The following ZEB1 variants were observed in gnomAD, a reference collection of about 807,000 sequenced individuals.
ZEB1 encodes the protein zinc finger E-box binding homeobox 1, also known as zinc finger E-box-binding homeobox 1.
ZEB1 carries 21 observed loss-of-function variants against 84.9 expected under a neutral mutation model. That is an observed-to-expected ratio of 0.25 (90% CI 0.18 to 0.36). The LOEUF (loss-of-function observed/expected upper bound fraction) is 0.36. Among genes scored for constraint, ZEB1 ranks in the 10% least tolerant of loss-of-function variants. The pLI, the probability that ZEB1 is intolerant of heterozygous loss-of-function variation, is 1.00. For missense variants in ZEB1, 1,104 were observed against 1,330.2 expected (o/e 0.83, Z 2.65); for synonymous variants, 420 against 471.1 (o/e 0.89, Z 1.41).
In ZEB1 at chr10:31,377,115, A is replaced by AT. The variant is rs547191854; in HGVS notation, c.58+57832dup. Among the ~76,000 whole-genome samples, 833 of 147,698 alleles carry AT rather than the reference A, an allele frequency of 5.6e-3. 12 individuals carry two copies. The highest frequency in any genetic ancestry group is 0.019 in the African/African-American group (759 of 40,202). On this transcript the variant is annotated intron_variant, in intron 1 of 8. Transcript: ENST00000424869. ...TTTTTTTTTTTTTTTGCAATACAGAATTTTTTTTTCATTGTAAGATGCTGA... is the reference window on the plus strand; with the variant it reads ...TTTTTTTTTTTTTTTGCAATACAGAATTTTTTTTTTCATTGTAAGATGCTGA...
intron 2 of ZEB1, among the ~76,000 whole-genome samples, chr10:31,475,086 G>A (rs1214141422): frequency 6.6e-6 from 1 of 151,910 alleles, no homozygotes; most frequent in South Asian, 2.1e-4. Context: ...GGGAGGGATA[G>A]CATTGGGAGA....
intron 1 of ZEB1, among the ~76,000 whole-genome samples, chr10:31,404,070 T>C (rs2052537063): frequency 6.6e-6 from 1 of 152,118 alleles, no homozygotes; most frequent in African/African-American, 2.4e-5. Context: ...AAAGATTCAG[T>C]ATGTTATCCT....
chr10:31,382,252 C>A (rs2047824284), intron 1 of ZEB1, among the ~76,000 whole-genome samples: 1 of 152,034 alleles, frequency 6.6e-6, no homozygotes, highest in South Asian at 2.1e-4. Flanking sequence ...TTAAGAAATC[C>A]TGAATAGGTG....
chr10:31,422,874 A>G (rs1392316449), intron 1 of ZEB1, among the ~76,000 whole-genome samples: 1 of 151,676 alleles, frequency 6.6e-6, no homozygotes, highest in Non-Finnish European at 1.5e-5. Flanking sequence ...CTTTATGTCT[A>G]TGTGTGCCCA....
intron 1 of ZEB1, among the ~76,000 whole-genome samples, chr10:31,456,347 T>TG (rs1161852452): frequency 6.6e-6 from 1 of 152,116 alleles, no homozygotes; most frequent in East Asian, 1.9e-4. Context: ...AAGGCATGTG[T>TG]ATACCTATGT....
At chr10:31,450,241 T>TA (rs1320908258) in intron 1 of ZEB1, among the ~76,000 whole-genome samples, 1 of 152,250 alleles carries the variant, frequency 6.6e-6, no homozygotes, top group East Asian at 1.9e-4. Context: ...TGATGACTTT[T>TA]ACATAGAATG....
chr10:31,328,403 T>C (rs1322570943), intron 1 of ZEB1, among the ~76,000 whole-genome samples: 3 of 152,202 alleles, frequency 2.0e-5, no homozygotes, highest in Admixed American at 6.5e-5. Flanking sequence ...TGACGCATTG[T>C]GCCTAATACA....
At chr10:31,465,456 A>G (rs2062294038) in intron 2 of ZEB1, among the ~76,000 whole-genome samples, 1 of 151,128 alleles carries the variant, frequency 6.6e-6, no homozygotes, top group South Asian at 2.1e-4. Context: ...TGCGATTGCA[A>G]AAAATATATA....
intron 1 of ZEB1, among the ~76,000 whole-genome samples, chr10:31,368,016 A>C (rs60025512): frequency 0.011 from 1,598 of 152,076 alleles, 27 homozygotes; most frequent in African/African-American, 0.037. Context: ...TATTTACTCT[A>C]TATGGATGTG....
chr10:31,376,284 A>G (rs1370589303), intron 1 of ZEB1, among the ~76,000 whole-genome samples: 4 of 151,750 alleles, frequency 2.6e-5, no homozygotes, highest in African/African-American at 7.2e-5. Flanking sequence ...ATACCTTGCA[A>G]TTGATCTGTA....
intron 1 of ZEB1, among the ~76,000 whole-genome samples, chr10:31,418,033 A>G (rs1191568922): frequency 6.6e-6 from 1 of 152,006 alleles, no homozygotes; most frequent in African/African-American, 2.4e-5. Flanking sequence ...CAGCCTCTGC[A>G]CCAAGGAGGG....
At chr10:31,512,518 A>C (rs146032551) in intron 5 of ZEB1, among the ~76,000 whole-genome samples, 1 of 152,306 alleles carries the variant, frequency 6.6e-6, no homozygotes, top group East Asian at 1.9e-4. Flanking sequence ...ACTAAAAGGT[A>C]GAATGTATAT....
rs35942367 is a variant in ZEB1, at chr10:31,458,335, GT to G, written c.59-2700del. 0.016 allele frequency among the ~76,000 whole-genome samples: 1,554 copies of G among 96,198 alleles called. 43 individuals are homozygous for G. In the African/African-American group the frequency reaches 0.22, roughly 13 times the overall value. The allele number at this position is 96,198 out of a possible 152,430, so 63.1% of individuals were successfully genotyped here. ...TCCGTGTGTGTGTGTGTGTGTGTGTGTTGTGTGTGTGTGTGTGTGTGTGTGT... is the reference window on the plus strand; with the variant it reads ...TCCGTGTGTGTGTGTGTGTGTGTGTGTGTGTGTGTGTGTGTGTGTGTGTGT... On this transcript the variant is annotated intron_variant, in intron 1 of 8. Transcript: ENST00000424869.
chr10:31,439,843 G>A (rs985979900), intron 1 of ZEB1, among the ~76,000 whole-genome samples: 2 of 152,154 alleles, frequency 1.3e-5, no homozygotes, highest in Admixed American at 6.5e-5. Context: ...AGAGACAGGT[G>A]AGGAGAGTCA....
At chr10:31,485,612 T>A (rs1565077022) in intron 2 of ZEB1, among the ~76,000 whole-genome samples, 1 of 151,928 alleles carries the variant, frequency 6.6e-6, no homozygotes, top group East Asian at 1.9e-4. Context: ...GTTTTAAAAA[T>A]CTGTAAACAC....
intron 1 of ZEB1, chr10:31,319,620 G>A (rs918608088): frequency 8.7e-6 from 3 of 344,654 alleles, no homozygotes; most frequent in African/African-American, 2.2e-5. Context: ...CGGCCGGGAC[G>A]CACTGGCCAC....
At position 31,529,506 on chromosome 10, in the gene ZEB1, T is replaced by A; in HGVS notation, c.*2242T>A. On this transcript the variant is annotated 3_prime_UTR_variant, in exon 9 of 9. Transcript: ENST00000424869. ...TTCTGACTCTCAGCTCCTGCACTTC[T>A]GTCATCATACCTCTGATACTATTAT... is the stretch of plus-strand genomic sequence containing the variant. 6.6e-6 allele frequency: 1 copy of A among 152,248 alleles called. No individual in the cohort carries two copies. The highest frequency in any genetic ancestry group is 1.5e-5 in the Non-Finnish European group (1 of 68,048). The allele number at this position is 152,248 out of a possible 1,614,324, so 9.4% of individuals were successfully genotyped here.
At chr10:31,488,215 T>C (rs1020857626) in intron 2 of ZEB1, among the ~76,000 whole-genome samples, 2 of 151,288 alleles carry the variant, frequency 1.3e-5, no homozygotes, top group African/African-American at 2.4e-5. Context: ...TTTGTTTTGC[T>C]TAGGAGGAAG....
intron 1 of ZEB1, among the ~76,000 whole-genome samples, chr10:31,407,625 T>G (rs1390930360): frequency 6.6e-6 from 1 of 152,112 alleles, no homozygotes; most frequent in Non-Finnish European, 1.5e-5. Context: ...ATGGGATGGC[T>G]GGGTCAAAGA....
Sources: gnomAD v4.1 joint callset for allele counts (sites outside exome capture counted in the v4.1 genomes callset) on GRCh38, gnomAD v4.1.1 for gene constraint, MANE v1.5 for transcripts, NCBI Gene and HGNC (gene_info 2026-07-23, HGNC 2026-07-21) for gene names.